CHMP3: variants seen among roughly 807,000 people sequenced by gnomAD.
The protein encoded by CHMP3 is 25.1 protein.
In CHMP3, 8 loss-of-function variants were observed where a neutral mutation model predicts 27.4. The observed-to-expected ratio is 0.29, with a 90% CI of 0.17 to 0.53. The LOEUF is 0.53. CHMP3 is among the 20% of genes least tolerant of loss of function. CHMP3 has a pLI of 0.96. For synonymous variants in CHMP3, 86 were observed against 85.5 expected (o/e 1.01, Z -0.03); for missense variants, 208 against 271.5 (o/e 0.77, Z 1.64).
intron 1 of CHMP3, chr2:86,563,067 G>C: frequency 2.1e-6 from 1 of 474,924 alleles, no homozygotes; most frequent in Non-Finnish European, 3.8e-6. Flanking sequence ...GCGAGGTGGA[G>C]AAACTCTTCA....
intron 1 of CHMP3, among the ~76,000 whole-genome samples, chr2:86,546,388 G>A (rs1336411453): frequency 2.0e-5 from 3 of 151,724 alleles, no homozygotes; most frequent in Non-Finnish European, 2.9e-5. Flanking sequence ...GAGGGGGAGG[G>A]GGAGTAGGAG....
intron 1 of CHMP3, among the ~76,000 whole-genome samples, chr2:86,548,779 G>A (rs1389409002): frequency 6.6e-6 from 1 of 151,366 alleles, no homozygotes; most frequent in African/African-American, 2.4e-5. Context: ...GGGGCAGCCG[G>A]GCAGAGGTGC....
chr2:86,548,177 CTCT>C (rs1274503800), intron 1 of CHMP3, among the ~76,000 whole-genome samples: 3 of 115,066 alleles, frequency 2.6e-5, no homozygotes, highest in Admixed American at 8.3e-5. Context: ...AGGAGGAGTT[CTCT>C]TTTTTTTTTT....
intron 4 of CHMP3, among the ~76,000 whole-genome samples, chr2:86,507,940 T>C (rs1177941093): frequency 1.3e-5 from 2 of 152,156 alleles, no homozygotes; most frequent in Non-Finnish European, 2.9e-5. Context: ...GAAGCATCTG[T>C]CCTAACACTG....
chr2:86,536,899 CT>C (rs968506477), intron 2 of CHMP3, among the ~76,000 whole-genome samples: 2 of 150,704 alleles, frequency 1.3e-5, no homozygotes, highest in Non-Finnish European at 3.0e-5. Flanking sequence ...TTTTCTTTTT[CT>C]TTTTTTTCAG....
At chr2:86,532,289 G>A (rs1175681896) in intron 2 of CHMP3, among the ~76,000 whole-genome samples, 1 of 151,998 alleles carries the variant, frequency 6.6e-6, no homozygotes, top group African/African-American at 2.4e-5. Context: ...TTTTGGTGCT[G>A]ATTTTGTATC....
At chr2:86,534,537 T>A (rs937845562) in intron 2 of CHMP3, among the ~76,000 whole-genome samples, 1 of 152,162 alleles carries the variant, frequency 6.6e-6, no homozygotes, top group Non-Finnish European at 1.5e-5. Context: ...AATTCCTATC[T>A]AGTTGATATA....
intron 2 of CHMP3, among the ~76,000 whole-genome samples, chr2:86,539,629 G>A (rs1174741729): frequency 6.6e-6 from 1 of 152,070 alleles, no homozygotes; most frequent in Non-Finnish European, 1.5e-5. Context: ...TGAAACTTAT[G>A]AAGTTTCTAA....
intron 2 of CHMP3, chr2:86,541,166 C>G (rs971135610): frequency 1.2e-4 from 18 of 152,022 alleles, no homozygotes; most frequent in African/African-American, 4.3e-4. Context: ...TATTGAACAT[C>G]CCAGAGGTTC....
At chr2:86,552,920 C>G (rs1676966872) in intron 1 of CHMP3, among the ~76,000 whole-genome samples, 3 of 152,036 alleles carry the variant, frequency 2.0e-5, no homozygotes, top group Admixed American at 2.0e-4. Flanking sequence ...AAACCAAACA[C>G]TGCATGTTCT....
chr2:86,531,650 T>A (rs1405669461), intron 2 of CHMP3, among the ~76,000 whole-genome samples: 1 of 152,200 alleles, frequency 6.6e-6, no homozygotes, highest in Non-Finnish European at 1.5e-5. Context: ...GTATACATTG[T>A]TAGGTAAAGG....
chr2:86,535,385 TG>T (rs1457396866), intron 2 of CHMP3, among the ~76,000 whole-genome samples: 2 of 152,206 alleles, frequency 1.3e-5, no homozygotes, highest in Non-Finnish European at 2.9e-5. Flanking sequence ...TGTGTTTACT[TG>T]ATTTTTTTGG....
At chr2:86,510,690 G>C (rs909253003) in intron 3 of CHMP3, 11 of 612,652 alleles carry the variant, frequency 1.8e-5, no homozygotes, top group Non-Finnish European at 2.7e-6. Flanking sequence ...TGAATTCAAT[G>C]AGCATGCACA....
chr2:86,539,571 TAG>T (rs1676280683), intron 2 of CHMP3, among the ~76,000 whole-genome samples: 2 of 152,132 alleles, frequency 1.3e-5, no homozygotes, highest in Non-Finnish European at 2.9e-5. Flanking sequence ...AGAAGAATTA[TAG>T]TAAGCATAGC....
intron 1 of CHMP3, among the ~76,000 whole-genome samples, chr2:86,549,904 G>A (rs139138653): frequency 0.072 from 10,917 of 150,614 alleles, 444 homozygotes; most frequent in Non-Finnish European, 0.078. Flanking sequence ...CGGGGCGGCC[G>A]GGCAGAGGCG....
intron 5 of CHMP3, 32 bp downstream of exon 5, chr2:86,507,447 G>C (rs760737264): frequency 6.3e-7 from 1 of 1,590,480 alleles, no homozygotes; most frequent in Non-Finnish European, 8.6e-7. Context: ...GCCATAAAAA[G>C]AGAGGAGAAA....
chr2:86,532,867 T>A (rs1675982028), intron 2 of CHMP3, among the ~76,000 whole-genome samples: 1 of 152,240 alleles, frequency 6.6e-6, no homozygotes, highest in South Asian at 2.1e-4. Context: ...GCACCAATGT[T>A]CATAAGAGAC....
chr2:86,553,965 C>T (rs1677012929), intron 1 of CHMP3, among the ~76,000 whole-genome samples: 2 of 152,198 alleles, frequency 1.3e-5, no homozygotes, highest in Admixed American at 1.3e-4. Context: ...TGCATGTCCC[C>T]AAATTCGTAT....
intron 2 of CHMP3, among the ~76,000 whole-genome samples, chr2:86,537,385 C>T (rs1271363014): frequency 2.6e-5 from 4 of 152,106 alleles, no homozygotes; most frequent in Admixed American, 2.6e-4. Flanking sequence ...CGTTTTTTAA[C>T]TTAATCCACC....
Sources: gnomAD v4.1 joint callset for allele counts (sites outside exome capture counted in the v4.1 genomes callset) on GRCh38, gnomAD v4.1.1 for gene constraint, MANE v1.5 for transcripts, NCBI Gene and HGNC (gene_info 2026-07-23, HGNC 2026-07-21) for gene names.